The following SLC6A6 variants were observed in gnomAD, a reference collection of about 807,000 sequenced individuals.
The protein encoded by SLC6A6 is solute carrier family 6 member 6.
In SLC6A6, 16 loss-of-function variants were observed where a neutral mutation model predicts 68.8. That is an observed-to-expected ratio of 0.23 (90% CI 0.16 to 0.35). SLC6A6 has a LOEUF of 0.35. Ranked by LOEUF, SLC6A6 falls within the 10% of genes least tolerant of loss-of-function variation. The probability of loss-of-function intolerance (pLI) is 1.00; values close to 1 mark genes in which losing one functional copy is unlikely to be tolerated. For missense variants in SLC6A6, 474 were observed against 802.8 expected (o/e 0.59, Z 4.95); for synonymous variants, 312 against 315.4 (o/e 0.99, Z 0.12).
chr3:14,475,264 T>C (rs1192752041), intron 10 of SLC6A6, among the ~76,000 whole-genome samples: 1 of 151,894 alleles, frequency 6.6e-6, no homozygotes, highest in Non-Finnish European at 1.5e-5. Context: ...ACTCCTGACC[T>C]CAGGTGATCT....
In SLC6A6 at chr3:14,477,435, T is replaced by C. The variant is rs1574966526; in HGVS notation, c.1347+93T>C. 1.5e-6 allele frequency: 2 copies of C among 1,305,902 alleles called. No individual in the cohort carries two copies. The highest frequency in any genetic ancestry group is 2.3e-5 in the East Asian group (1 of 43,178). 80.9% of individuals were successfully genotyped at this position (1,305,902 alleles called of 1,614,324 possible). On this transcript the variant is annotated intron_variant, in intron 11 of 14. Coordinates refer to ENST00000622186, the MANE Select transcript of SLC6A6 (RefSeq NM_003043.6). The surrounding 1 kb of genome is among the most constrained non-coding windows in gnomAD (Gnocchi z 4.2). ...GCAGCAGCTGGGTGAGAGGGCCAGG[T>C]AGGGGCTTCATCTCCCAGCCCCACC...
In SLC6A6 at chr3:14,458,023, CTT is replaced by C. The variant is rs1700409689; in HGVS notation, c.676_677del (p.Leu226SerfsTer55). 1 of 1,613,858 alleles carries C rather than the reference CTT, an allele frequency of 6.2e-7. No homozygotes were observed. The highest frequency in any genetic ancestry group is 1.3e-5 in the African/African-American group (1 of 74,938). ...GAAATGGGACCTCGCTCTCTGCCTT[CTT>C]TTAGTCTGGCTAGTGTGTTTCTTCT... ...SLKWDLALCL[L>X]LVWLVCFFCI... is the part of the protein sequence containing the mutation. On this transcript the variant is annotated frameshift_variant, in exon 6 of 15. Coordinates refer to ENST00000622186, the MANE Select transcript of SLC6A6 (RefSeq NM_003043.6). LOFTEE classifies it high-confidence loss of function.
At chr3:14,465,502 C>T (rs1700596808) in intron 6 of SLC6A6, among the ~76,000 whole-genome samples, 1 of 152,216 alleles carries the variant, frequency 6.6e-6, no homozygotes, top group Non-Finnish European at 1.5e-5. Context: ...TCTGGAGCAC[C>T]TACTGAGTGG....
At chr3:14,479,727 G>T (rs775966149) in intron 13 of SLC6A6, among the ~76,000 whole-genome samples, 3 of 152,194 alleles carry the variant, frequency 2.0e-5, no homozygotes, top group Non-Finnish European at 4.4e-5. Flanking sequence ...GTATCAGTGT[G>T]CCACGTTGTT....
At chr3:14,469,061 G>A (rs1009861777) in intron 9 of SLC6A6, among the ~76,000 whole-genome samples, 14 of 152,260 alleles carry the variant, frequency 9.2e-5, no homozygotes, top group African/African-American at 3.4e-4. Flanking sequence ...TCCTGGGTCT[G>A]TAGCTTTAAT....
chr3:14,468,438 G>A lies in SLC6A6; in HGVS notation c.1096+226G>A, dbSNP rs1055807865. ...GGCCCTGATGGGTGGCAAAAGCATG[G>A]GGGGTGGTTAAGTTGGGGAATTTTT... On this transcript the variant is annotated intron_variant, in intron 9 of 14. Transcript: ENST00000622186. The surrounding 1 kb of genome is among the most constrained non-coding windows in gnomAD (Gnocchi z 4.5). Among the ~76,000 whole-genome samples the A allele has an allele frequency of 5.9e-5, 9 of 151,592 alleles. No individual in the cohort carries two copies. Among genetic ancestry groups the A allele is most frequent in the Admixed American group, 3.3e-4 (5 of 15,206 alleles).
In SLC6A6 at chr3:14,484,945, C is replaced by T. The variant is rs748074723; in HGVS notation, c.1801C>T (p.Arg601Cys). 1.2e-5 allele frequency: 19 copies of T among 1,612,870 alleles called. No individual in the cohort carries two copies. The highest frequency in any genetic ancestry group is 3.3e-5 in the Admixed American group (2 of 59,984). Residue 601 changes from arginine (R) to cysteine (C), a missense_variant, in exon 15 of 15, where the codon CGC becomes TGC. Arg to Cys is a radical substitution (Grantham distance 180). Transcript: ENST00000622186. ...EREGATPYNS[R>C]TVMNGALVKP... Reference sequence around the variant, plus strand: ...CGAGGGAGCCACACCTTACAACTCTCGCACCGTCATGAACGGCGCTCTCGT... The same window carrying T: ...CGAGGGAGCCACACCTTACAACTCTTGCACCGTCATGAACGGCGCTCTCGT...
Position 14,468,781 on chromosome 3 carries a change from A to G in SLC6A6, c.1096+569A>G, listed in dbSNP as rs566551114. On this transcript the variant is annotated intron_variant, in intron 9 of 14. Coordinates refer to ENST00000622186, the MANE Select transcript of SLC6A6 (RefSeq NM_003043.6). This position sits in a 1 kb window ranked among gnomAD's most constrained non-coding sequence, Gnocchi z 4.5. ...ACCTACTGGGACGGTGGCAGATCCA[A>G]CTGGGGGTGGGTTGTAAGCACAGTG... Among the ~76,000 whole-genome samples, 2 of 152,124 alleles carry G rather than the reference A, an allele frequency of 1.3e-5. No individual in the cohort carries two copies. Among genetic ancestry groups the G allele is most frequent in the Admixed American group, 6.5e-5 (1 of 15,284 alleles).
At chr3:14,406,232 C>A (rs1442554335) in intron 1 of SLC6A6, among the ~76,000 whole-genome samples, 4 of 152,122 alleles carry the variant, frequency 2.6e-5, no homozygotes, top group Non-Finnish European at 5.9e-5. Context: ...AGGATGGTCT[C>A]AAGCTCCTGG....
chr3:14,423,564 A>C (rs1699529071), intron 2 of SLC6A6, among the ~76,000 whole-genome samples: 1 of 152,094 alleles, frequency 6.6e-6, no homozygotes, highest in African/African-American at 2.4e-5. Flanking sequence ...TGACCTGCTC[A>C]AGGTCACACA....
chr3:14,438,519 T>C (rs975290021), intron 2 of SLC6A6, among the ~76,000 whole-genome samples: 1 of 152,108 alleles, frequency 6.6e-6, no homozygotes, highest in African/African-American at 2.4e-5. Flanking sequence ...GCAAGCCTAG[T>C]GGGCAGGGAG....
At chr3:14,416,875 A>G (rs1289858037) in intron 2 of SLC6A6, among the ~76,000 whole-genome samples, 1 of 152,126 alleles carries the variant, frequency 6.6e-6, no homozygotes, top group Non-Finnish European at 1.5e-5. Context: ...ACAGGGTCAC[A>G]CTCTGTCGCC....
Position 14,481,630 on chromosome 3 carries a change from T to G in SLC6A6, c.1552-41T>G. The G allele has an allele frequency of 2.2e-5, 24 of 1,072,046 alleles. No homozygotes were observed. Among genetic ancestry groups the G allele is most frequent in the Non-Finnish European group, 2.9e-5 (21 of 720,266 alleles). 66.4% of individuals were successfully genotyped at this position (1,072,046 alleles called of 1,614,324 possible). ...GTCCCAGAAGCCCCCCACCCCCCGA[T>G]GCCCAGGACCCCTCTCCTGACTGCC... On this transcript the variant is annotated intron_variant, in intron 13 of 14. Transcript: ENST00000622186. This position sits in a 1 kb window ranked among gnomAD's most constrained non-coding sequence, Gnocchi z 4.7.
At chr3:14,461,743 C>T (rs1194206261) in intron 6 of SLC6A6, among the ~76,000 whole-genome samples, 2 of 152,230 alleles carry the variant, frequency 1.3e-5, no homozygotes, top group African/African-American at 4.8e-5. Flanking sequence ...TCACCTTCCC[C>T]TTATGTGAAA....
intron 6 of SLC6A6, among the ~76,000 whole-genome samples, chr3:14,462,058 A>C (rs1266021749): frequency 6.6e-6 from 1 of 152,200 alleles, no homozygotes; most frequent in Non-Finnish European, 1.5e-5. Flanking sequence ...ACGGAGGTTC[A>C]CCAGCAAGAG....
At chr3:14,426,750 G>A (rs774893033) in intron 2 of SLC6A6, among the ~76,000 whole-genome samples, 35 of 152,084 alleles carry the variant, frequency 2.3e-4, no homozygotes, top group African/African-American at 3.9e-4. Context: ...ACAATAAGCC[G>A]GGACCCTCCT....
chr3:14,456,800 G>A (rs750053789), intron 5 of SLC6A6, among the ~76,000 whole-genome samples: 8 of 152,170 alleles, frequency 5.3e-5, no homozygotes, highest in Non-Finnish European at 8.8e-5. Context: ...TTCAGACAGG[G>A]AGCTGACTCC....
At chr3:14,473,422 C>T (rs983977886) in intron 10 of SLC6A6, among the ~76,000 whole-genome samples, 2 of 152,080 alleles carry the variant, frequency 1.3e-5, no homozygotes, top group African/African-American at 4.8e-5. Flanking sequence ...GCAACTGAGA[C>T]CCCCTGAGAG....
intron 4 of SLC6A6, among the ~76,000 whole-genome samples, chr3:14,446,066 T>C (rs1031536643): frequency 1.3e-5 from 2 of 152,216 alleles, no homozygotes; most frequent in Non-Finnish European, 2.9e-5. Context: ...TAGCACGCAG[T>C]AGCTGCTCAG....
Sources: gnomAD v4.1 joint callset for allele counts (sites outside exome capture counted in the v4.1 genomes callset) on GRCh38, gnomAD v4.1.1 for gene constraint, Gnocchi (gnomAD v3.1) non-coding constraint, MANE v1.5 for transcripts, NCBI Gene and HGNC (gene_info 2026-07-23, HGNC 2026-07-21) for gene names.